The following GRIK1 variants were observed in gnomAD, a reference collection of about 807,000 sequenced individuals.
The protein encoded by GRIK1 is glutamate receptor ionotropic, kainate 1.
In GRIK1, 69 loss-of-function variants were observed where a neutral mutation model predicts 105.7. That is an observed-to-expected ratio of 0.65 (90% CI 0.54 to 0.80). The LOEUF is 0.80. Ranked by LOEUF, GRIK1 falls within the 30% of genes least tolerant of loss-of-function variation. The pLI, the probability that GRIK1 is intolerant of heterozygous loss-of-function variation, is 0.00. For synonymous variants in GRIK1, 438 were observed against 431.3 expected (o/e 1.02, Z -0.19); for missense variants, 1,109 against 1,167.3 (o/e 0.95, Z 0.73).
Position 29,794,597 on chromosome 21 carries a change from C to T in GRIK1, c.119-100534G>A, listed in dbSNP as rs146926070. Among the ~76,000 whole-genome samples, 623 of 152,318 alleles carry T rather than the reference C, an allele frequency of 4.1e-3. 4 individuals carry two copies. The highest frequency in any genetic ancestry group is 0.015 in the African/African-American group (603 of 41,562). Reference sequence around the variant, plus strand: ...CTGTGAGTTAACCAGTACATGGGACCTGCTTTCTGAATAGTACCTAGGCAG... The same window carrying T: ...CTGTGAGTTAACCAGTACATGGGACTTGCTTTCTGAATAGTACCTAGGCAG... On this transcript the variant is annotated intron_variant, in intron 1 of 17. Coordinates refer to ENST00000327783, the MANE Select transcript of GRIK1 (RefSeq NM_001330994.2).
intron 1 of GRIK1, among the ~76,000 whole-genome samples, chr21:29,800,232 A>T (rs1293554922): frequency 2.0e-5 from 3 of 152,172 alleles, no homozygotes; most frequent in Non-Finnish European, 4.4e-5. Context: ...TGCTCCCTCT[A>T]GGCATGCAAC....
chr21:29,805,247 A>C (rs1179272929), intron 1 of GRIK1, among the ~76,000 whole-genome samples: 1 of 152,168 alleles, frequency 6.6e-6, no homozygotes, highest in Non-Finnish European at 1.5e-5. Context: ...TCATTCACAA[A>C]TCATGTGATA....
chr21:29,753,508 T>C (rs1418882129), intron 1 of GRIK1, among the ~76,000 whole-genome samples: 1 of 152,184 alleles, frequency 6.6e-6, no homozygotes, highest in Non-Finnish European at 1.5e-5. Flanking sequence ...AGCAAAGCCC[T>C]CTGGCATAGA....
chr21:29,851,430 A>G (rs539413827), intron 1 of GRIK1, among the ~76,000 whole-genome samples: 34 of 152,226 alleles, frequency 2.2e-4, no homozygotes, highest in African/African-American at 8.2e-4. Context: ...AATAATAGAC[A>G]AAAGGGAGAT....
intron 1 of GRIK1, among the ~76,000 whole-genome samples, chr21:29,856,132 C>A (rs918357645): frequency 6.6e-6 from 1 of 152,056 alleles, no homozygotes; most frequent in Admixed American, 6.5e-5. Context: ...TGAAAGTCAG[C>A]CCAGTGGTGG....
chr21:29,595,685 AT>A (rs200217473), intron 9 of GRIK1, among the ~76,000 whole-genome samples: 1 of 151,874 alleles, frequency 6.6e-6, no homozygotes, highest in Admixed American at 6.6e-5. Context: ...CAGTCCATAG[AT>A]TTTTTTTACC....
rs371063543 is a variant in GRIK1 at position 29,591,204 on chromosome 21, T to G, written c.1273A>C (p.Ser425Arg). Residue 425 changes from serine to arginine, a missense_variant, in exon 10 of 18, where the codon AGT becomes CGT. This residue lies in a region of GRIK1 where 612 missense variants were observed against 586.0 expected (regional missense o/e 1.04). Coordinates refer to ENST00000327783, the MANE Select transcript of GRIK1 (RefSeq NM_001330994.2). ...WKKIGIWNSN[S>R]GLNMTDSNKD... Reference sequence around the variant, plus strand: ...TTGCTGTCCGTCATGTTAAGCCCACTGTTGGAATTCCAAATCCCAATCTAC... The same window carrying G: ...TTGCTGTCCGTCATGTTAAGCCCACGGTTGGAATTCCAAATCCCAATCTAC... 40 of 1,603,922 alleles carry G rather than the reference T, an allele frequency of 2.5e-5. No individual in the cohort carries two copies. The highest frequency in any genetic ancestry group is 3.2e-5 in the Non-Finnish European group (37 of 1,172,506).
Position 29,710,827 on chromosome 21 carries a change from CCTT to C in GRIK1, c.119-16767_119-16765del, listed in dbSNP as rs1475152990. ...TCCTTCCTTCCTTCCTTCCTTCCTT[CCTT>C]CCTTCCTTCCTTTTCTCTCCCTCCC... On this transcript the variant is annotated intron_variant, in intron 1 of 17. Coordinates refer to ENST00000327783, the MANE Select transcript of GRIK1 (RefSeq NM_001330994.2). 1.9e-4 allele frequency among the ~76,000 whole-genome samples: 21 copies of C among 110,536 alleles called. No homozygotes were observed. In the South Asian group the frequency reaches 7.3e-3, roughly 38 times the overall value. 72.5% of individuals were successfully genotyped at this position (110,536 alleles called of 152,430 possible).
At chr21:29,853,330 G>A (rs868536861) in intron 1 of GRIK1, among the ~76,000 whole-genome samples, 50 of 152,142 alleles carry the variant, frequency 3.3e-4, no homozygotes, top group African/African-American at 1.0e-3. Context: ...TGACTGTTCC[G>A]TACATCGTAG....
At chr21:29,563,103 C>A (rs1056113535) in intron 14 of GRIK1, among the ~76,000 whole-genome samples, 5 of 152,044 alleles carry the variant, frequency 3.3e-5, no homozygotes, top group African/African-American at 4.8e-5. Flanking sequence ...TTTAAGCTAA[C>A]CCCAGTTATC....
At chr21:29,641,795 C>A (rs769372663) in intron 7 of GRIK1, among the ~76,000 whole-genome samples, 1 of 152,160 alleles carries the variant, frequency 6.6e-6, no homozygotes, top group African/African-American at 2.4e-5. Flanking sequence ...TATCCTCACC[C>A]TCATGGATCA....
At chr21:29,860,196 A>G (rs2068593072) in intron 1 of GRIK1, among the ~76,000 whole-genome samples, 1 of 152,090 alleles carries the variant, frequency 6.6e-6, no homozygotes, top group South Asian at 2.1e-4. Context: ...CCTCTTGGGG[A>G]CTCCAGAGAA....
chr21:29,854,595 A>G (rs796155961), intron 1 of GRIK1, among the ~76,000 whole-genome samples: 2 of 152,354 alleles, frequency 1.3e-5, no homozygotes, highest in African/African-American at 4.8e-5. Flanking sequence ...GGAGGCACAC[A>G]TGAAGATCAT....
chr21:29,707,160 G>A (rs116189917), intron 1 of GRIK1, among the ~76,000 whole-genome samples: 292 of 152,190 alleles, frequency 1.9e-3, no homozygotes, highest in African/African-American at 6.8e-3. Context: ...CACCGCGCCC[G>A]GGCTATTCCA....
intron 15 of GRIK1, among the ~76,000 whole-genome samples, chr21:29,560,770 T>G (rs1429591299): frequency 6.6e-6 from 1 of 151,208 alleles, no homozygotes; most frequent in East Asian, 1.9e-4. Flanking sequence ...GCCAGCTAAT[T>G]TTTGTATTTT....
At chr21:29,646,838 G>T (rs1433397090) in intron 6 of GRIK1, among the ~76,000 whole-genome samples, 18 of 150,670 alleles carry the variant, frequency 1.2e-4, no homozygotes, top group Admixed American at 1.1e-3. Context: ...AATATCTCTT[G>T]TTCTTTCTTT....
chr21:29,902,882 C>T (rs151305812), intron 1 of GRIK1, among the ~76,000 whole-genome samples: 2,220 of 152,202 alleles, frequency 0.015, 46 homozygotes, highest in African/African-American at 0.049. Context: ...CTTCAAACTA[C>T]ACTACAAGGC....
At chr21:29,893,158 CTT>C (rs550763132) in intron 1 of GRIK1, among the ~76,000 whole-genome samples, 152 of 152,298 alleles carry the variant, frequency 1.0e-3, no homozygotes, top group Non-Finnish European at 1.8e-3. Flanking sequence ...GAAATTGAGA[CTT>C]TAAGAGATGA....
chr21:29,733,453 G>T (rs192883494), intron 1 of GRIK1, among the ~76,000 whole-genome samples: 9 of 151,930 alleles, frequency 5.9e-5, no homozygotes, highest in Middle Eastern at 6.8e-3. Context: ...CCAGCTTATA[G>T]TTGAAATTTG....
Sources: gnomAD v4.1 joint callset for allele counts (sites outside exome capture counted in the v4.1 genomes callset) on GRCh38, gnomAD v4.1.1 for gene constraint, gnomAD v4.1.1 regional missense constraint, MANE v1.5 for transcripts, NCBI Gene and HGNC (gene_info 2026-07-23, HGNC 2026-07-21) for gene names.